PCLO: variants seen among roughly 807,000 people sequenced by gnomAD.
The protein encoded by PCLO is protein piccolo.
A neutral mutation model predicts 427.5 loss-of-function variants in PCLO; 82 were observed. That is an observed-to-expected ratio of 0.19 (90% CI 0.16 to 0.23). The LOEUF (loss-of-function observed/expected upper bound fraction) is 0.23, where lower values mean the gene tolerates loss of function less well. Among genes scored for constraint, PCLO ranks in the 10% least tolerant of loss-of-function variants. The pLI, the probability that PCLO is intolerant of heterozygous loss-of-function variation, is 1.00. For synonymous variants in PCLO, 2,357 were observed against 2,155.4 expected, an observed-to-expected ratio of 1.09 and a Z score of -2.59; for missense variants, 6,239 against 6,115.9, an observed-to-expected ratio of 1.02 and a Z score of -0.67.
intron 16 of PCLO, among the ~76,000 whole-genome samples, chr7:82,834,408 G>A (rs1358456746): frequency 6.6e-6 from 1 of 152,132 alleles, no homozygotes; most frequent in East Asian, 1.9e-4. Context: ...TGGCTGTAAG[G>A]AAACAAAAAG....
chr7:83,111,671 T>C (rs1321440730), intron 3 of PCLO, among the ~76,000 whole-genome samples: 2 of 152,184 alleles, frequency 1.3e-5, no homozygotes, highest in African/African-American at 4.8e-5. Context: ...AGACCTCGAG[T>C]GCAGTCTTGT....
Position 82,965,782 on chromosome 7 carries a change from TCCCAGG to T in PCLO, c.4000_4005del (p.Pro1334_Gly1335del). 6 of 1,581,194 alleles carry T rather than the reference TCCCAGG, an allele frequency of 3.8e-6. No individual in the cohort carries two copies. The highest frequency in any genetic ancestry group is 1.7e-4 in the Middle Eastern group (1 of 5,886). On this transcript the variant is annotated inframe_deletion, in exon 4 of 25. Transcript: ENST00000333891. ...AAAATTTAACTTACTGTTTTTTCTT[TCCCAGG>T]TTCCACCTGATCAGGTTTTGCTGTG... is the stretch of plus-strand genomic sequence containing the variant.
intron 10 of PCLO, among the ~76,000 whole-genome samples, chr7:82,868,959 G>C (rs1165116907): frequency 1.3e-5 from 2 of 152,004 alleles, no homozygotes; most frequent in African/African-American, 4.8e-5. Flanking sequence ...ATGATATTTA[G>C]TCCTTGTGGA....
chr7:82,920,412 A>T (rs66721235), intron 6 of PCLO, among the ~76,000 whole-genome samples: 17,321 of 151,090 alleles, frequency 0.11, 1,358 homozygotes, highest in Non-Finnish European at 0.17. Context: ...TTTAATCTAG[A>T]AAAAAAAATT....
chr7:83,140,701 T>G (rs1791838977), intron 2 of PCLO, among the ~76,000 whole-genome samples: 1 of 152,218 alleles, frequency 6.6e-6, no homozygotes, highest in Non-Finnish European at 1.5e-5. Flanking sequence ...AGAACCCTAC[T>G]TTGTACCTTA....
At chr7:83,056,722 G>A (rs971321109) in intron 3 of PCLO, among the ~76,000 whole-genome samples, 1 of 152,024 alleles carries the variant, frequency 6.6e-6, no homozygotes, top group Non-Finnish European at 1.5e-5. Flanking sequence ...GGAACTAAGG[G>A]GTCATTTAGT....
In PCLO at chr7:83,135,614, G is replaced by A. The variant is rs563533907; in HGVS notation, c.1936C>T (p.Leu646=). 1 of 1,610,394 alleles carries A rather than the reference G, an allele frequency of 6.2e-7. No homozygotes were observed. Among genetic ancestry groups the A allele is most frequent in the Non-Finnish European group, 8.5e-7 (1 of 1,178,254 alleles). ...GGAACTGGAGCCAGATCCCCGCCTA[G>A]AGCTCTTTTCATTTGACAGTTCAAA... ...LCLNCQMKRA[L]GGDLAPVPSS... Residue 646 remains leucine (L), a synonymous_variant, in exon 3 of 25, where the codon CTA becomes TTA. Transcript: ENST00000333891.
intron 3 of PCLO, among the ~76,000 whole-genome samples, chr7:82,977,724 C>A (rs1796053324): frequency 6.6e-6 from 1 of 151,970 alleles, no homozygotes; most frequent in African/African-American, 2.4e-5. Context: ...CAAAATTCAT[C>A]TATTAAACAA....
rs978267296 is a variant in PCLO, at chr7:83,006,101, C to T, written c.3301-39614G>A. 2.0e-5 allele frequency among the ~76,000 whole-genome samples: 3 copies of T among 151,486 alleles called. No individual in the cohort carries two copies. In the Admixed American group the frequency reaches 2.0e-4, roughly 10 times the overall value. On this transcript the variant is annotated intron_variant, in intron 3 of 24. Transcript: ENST00000333891. ...TTCAGTTAATACAATTAACAAGGTC[C>T]CCCCTTCCAAAGGGTTTAAGACAAT...
chr7:82,847,271 A>T, intron 10 of PCLO, 24 bp from the exon 11 acceptor site: 2 of 1,326,974 alleles, frequency 1.5e-6, no homozygotes, highest in Non-Finnish European at 2.1e-6. Flanking sequence ...TTTGAATATA[A>T]AATCAAACGT....
chr7:82,912,872 T>C (rs1462941224), intron 7 of PCLO, among the ~76,000 whole-genome samples: 1 of 152,088 alleles, frequency 6.6e-6, no homozygotes, highest in Non-Finnish European at 1.5e-5. Context: ...TCTTTAGATA[T>C]ATGCTCATGA....
intron 22 of PCLO, among the ~76,000 whole-genome samples, chr7:82,796,474 C>T (rs1181600042): frequency 1.3e-5 from 2 of 152,014 alleles, no homozygotes. Flanking sequence ...TCAGTCTGAA[C>T]TTGGCCTCAT....
At chr7:83,092,498 T>C (rs6955217) in intron 3 of PCLO, among the ~76,000 whole-genome samples, 66,751 of 151,712 alleles carry the variant, frequency 0.44, 15,076 homozygotes, top group East Asian at 0.7. Flanking sequence ...GTCCAAGAAG[T>C]GTACTCCCAA....
At chr7:82,889,402 A>C (rs531825140) in intron 9 of PCLO, among the ~76,000 whole-genome samples, 1 of 152,268 alleles carries the variant, frequency 6.6e-6, no homozygotes, top group Non-Finnish European at 1.5e-5. Flanking sequence ...TCAAAGAAAT[A>C]ATACTTAGAG....
intron 22 of PCLO, among the ~76,000 whole-genome samples, chr7:82,799,927 T>C (rs1393375946): frequency 6.6e-6 from 1 of 152,216 alleles, no homozygotes; most frequent in Non-Finnish European, 1.5e-5. Context: ...ATTTGTTTCC[T>C]CTATTTCAAA....
intron 3 of PCLO, among the ~76,000 whole-genome samples, chr7:83,088,745 T>C (rs1790302230): frequency 1.3e-5 from 2 of 152,182 alleles, no homozygotes; most frequent in Non-Finnish European, 2.9e-5. Flanking sequence ...CTCAGGTCTT[T>C]TTTCTCATTT....
At chr7:83,094,395 G>A (rs186857156) in intron 3 of PCLO, among the ~76,000 whole-genome samples, 1 of 151,938 alleles carries the variant, frequency 6.6e-6, no homozygotes, top group East Asian at 1.9e-4. Flanking sequence ...TTTTAGTAGA[G>A]ATGGGATTTC....
intron 10 of PCLO, among the ~76,000 whole-genome samples, chr7:82,851,319 C>T (rs970181847): frequency 3.3e-5 from 5 of 151,710 alleles, no homozygotes; most frequent in African/African-American, 1.2e-4. Context: ...CTGGAAGAAA[C>T]AGACCATACC....
chr7:82,931,211 T>C (rs1430291244), intron 6 of PCLO, among the ~76,000 whole-genome samples: 1 of 152,114 alleles, frequency 6.6e-6, no homozygotes, highest in African/African-American at 2.4e-5. Context: ...ATGAGTAAAT[T>C]TAGGCAGAGC....
Sources: allele counts gnomAD v4.1 joint callset (sites outside exome capture counted in the v4.1 genomes callset), GRCh38; gene constraint gnomAD v4.1.1; transcripts MANE v1.5; gene names NCBI Gene and HGNC (gene_info 2026-07-23, HGNC 2026-07-21).